The following PCDH9 variants were observed in gnomAD, a reference collection of about 807,000 sequenced individuals.
The protein encoded by PCDH9 is protocadherin 9, also known as protocadherin-9.
Under a neutral mutation model 70.6 loss-of-function variants are expected in PCDH9, and 24 were observed. The ratio of observed to expected loss-of-function variants is 0.34; its 90% CI spans 0.25 to 0.48. PCDH9 has a LOEUF of 0.48. Ranked by LOEUF, PCDH9 falls within the 20% of genes least tolerant of loss-of-function variation. The probability of loss-of-function intolerance (pLI) is 0.99; values close to 1 mark genes in which losing one functional copy is unlikely to be tolerated. For missense variants in PCDH9, 1,281 were observed against 1,503.6 expected, an observed-to-expected ratio of 0.85 and a Z score of 2.45; for synonymous variants, 562 against 558.5, an observed-to-expected ratio of 1.01 and a Z score of -0.09.
At chr13:66,866,072 T>C (rs999489813) in intron 3 of PCDH9, among the ~76,000 whole-genome samples, 11 of 151,986 alleles carry the variant, frequency 7.2e-5, no homozygotes, top group African/African-American at 2.4e-4. Flanking sequence ...AACAAGAACA[T>C]GAGAGAAAAA....
intron 3 of PCDH9, among the ~76,000 whole-genome samples, chr13:66,867,329 G>A (rs1180727846): frequency 6.6e-6 from 1 of 152,078 alleles, no homozygotes; most frequent in Non-Finnish European, 1.5e-5. Flanking sequence ...GGAACAATTT[G>A]TCTCAATAAG....
intron 4 of PCDH9, among the ~76,000 whole-genome samples, chr13:66,523,482 T>C (rs138046632): frequency 4.6e-5 from 7 of 152,174 alleles, no homozygotes; most frequent in Non-Finnish European, 1.0e-4. Flanking sequence ...AAGTAGCACA[T>C]AATGTGTGTC....
chr13:66,326,563 C>T (rs1408820527), intron 4 of PCDH9, among the ~76,000 whole-genome samples: 10 of 152,124 alleles, frequency 6.6e-5, no homozygotes, highest in South Asian at 2.1e-4. Context: ...GGACTACAGG[C>T]GCCCGCCACC....
chr13:66,740,997 C>G (rs2079254909), intron 3 of PCDH9, among the ~76,000 whole-genome samples: 2 of 65,754 alleles, frequency 3.0e-5, no homozygotes, highest in Non-Finnish European at 6.4e-5. Flanking sequence ...TTTATGAGGC[C>G]AGCATCATTC....
intron 4 of PCDH9, among the ~76,000 whole-genome samples, chr13:66,553,990 A>G (rs1961609400): frequency 1.3e-5 from 2 of 152,146 alleles, no homozygotes; most frequent in South Asian, 4.1e-4. Context: ...TGCTGAAATA[A>G]TCTTTAGTTC....
chr13:66,350,359 T>C (rs774568332), intron 4 of PCDH9, among the ~76,000 whole-genome samples: 3 of 152,214 alleles, frequency 2.0e-5, no homozygotes, highest in Non-Finnish European at 4.4e-5. Context: ...CTTATTGAGA[T>C]ACTGTAGTTT....
intron 3 of PCDH9, among the ~76,000 whole-genome samples, chr13:66,828,780 C>T (rs1789281872): frequency 6.6e-6 from 1 of 151,194 alleles, no homozygotes; most frequent in African/African-American, 2.4e-5. Flanking sequence ...ACAATGATTG[C>T]TCCTTAAATT....
intron 2 of PCDH9, among the ~76,000 whole-genome samples, chr13:66,926,708 A>T (rs1381158033): frequency 1.3e-5 from 2 of 152,100 alleles, no homozygotes; most frequent in African/African-American, 4.8e-5. Context: ...TCAGAACAGC[A>T]TTTTGAAGAG....
At chr13:66,334,696 A>G (rs1956005493) in intron 4 of PCDH9, among the ~76,000 whole-genome samples, 1 of 152,022 alleles carries the variant, frequency 6.6e-6, no homozygotes, top group Non-Finnish European at 1.5e-5. Flanking sequence ...GTCAGGTCAT[A>G]CCATACAACT....
At chr13:66,382,638 A>C (rs974038318) in intron 4 of PCDH9, among the ~76,000 whole-genome samples, 1 of 152,208 alleles carries the variant, frequency 6.6e-6, no homozygotes, top group Admixed American at 6.5e-5. Context: ...AGATGAAGTG[A>C]ACATTTATCA....
intron 2 of PCDH9, among the ~76,000 whole-genome samples, chr13:67,034,128 G>A (rs1263792675): frequency 1.3e-5 from 2 of 151,968 alleles, no homozygotes; most frequent in Non-Finnish European, 2.9e-5. Context: ...GGGATTACAG[G>A]TGCATGCCAC....
In PCDH9 at chr13:66,928,861, A is replaced by G. The variant is rs1356877135; in HGVS notation, c.3037-25256T>C. ...GACTAAGACAGACATAACGAGGGAA[A>G]AAAAAATGACTTTGTGTTTCCAGTT... On this transcript the variant is annotated intron_variant, in intron 2 of 4. Transcript: ENST00000377865. 5.9e-5 allele frequency among the ~76,000 whole-genome samples: 9 copies of G among 151,976 alleles called. No homozygotes were observed. The East Asian group carries it at 1.7e-3, about 29-fold the overall frequency.
chr13:66,994,926 C>T (rs1365112204), intron 2 of PCDH9, among the ~76,000 whole-genome samples: 4 of 152,108 alleles, frequency 2.6e-5, no homozygotes, highest in African/African-American at 9.7e-5. Flanking sequence ...ATTTCTAAAA[C>T]CTTTTAAACG....
At chr13:66,641,450 A>T (rs1207387266) in intron 3 of PCDH9, among the ~76,000 whole-genome samples, 1 of 152,224 alleles carries the variant, frequency 6.6e-6, no homozygotes, top group African/African-American at 2.4e-5. Context: ...GTAGGTAAAG[A>T]TCCTAATTAC....
intron 4 of PCDH9, among the ~76,000 whole-genome samples, chr13:66,433,686 T>G (rs1437285814): frequency 1.3e-5 from 2 of 151,800 alleles, no homozygotes; most frequent in African/African-American, 4.8e-5. Flanking sequence ...TCCCACCCAA[T>G]GCATTGCTAT....
At chr13:66,459,438 A>G (rs1958378467) in intron 4 of PCDH9, among the ~76,000 whole-genome samples, 1 of 151,822 alleles carries the variant, frequency 6.6e-6, no homozygotes, top group Non-Finnish European at 1.5e-5. Context: ...CAATGCCATG[A>G]GGTTTTACTT....
intron 3 of PCDH9, among the ~76,000 whole-genome samples, chr13:66,766,158 C>T (rs1040448962): frequency 6.6e-6 from 1 of 151,778 alleles, no homozygotes; most frequent in African/African-American, 2.4e-5. Context: ...TATGTATATA[C>T]ATGAGTGAAG....
rs572907597 is a variant in PCDH9 at position 66,341,220 on chromosome 13, G to A, written c.3341-36192C>T. Among the ~76,000 whole-genome samples, 11 of 151,704 alleles carry A rather than the reference G, an allele frequency of 7.3e-5. 1 individual carries two copies. The highest frequency in any genetic ancestry group is 2.1e-4 in the South Asian group (1 of 4,800). Reference sequence around the variant, plus strand: ...CAATCCTCCCACCTCAGCATCCCCCGTAGCTGGGACTACAATCACGCATCA... The same window carrying A: ...CAATCCTCCCACCTCAGCATCCCCCATAGCTGGGACTACAATCACGCATCA... On this transcript the variant is annotated intron_variant, in intron 4 of 4. Coordinates refer to ENST00000377865, the MANE Select transcript of PCDH9 (RefSeq NM_203487.3).
At chr13:67,068,205 G>GT (rs2085689178) in intron 2 of PCDH9, among the ~76,000 whole-genome samples, 1 of 151,624 alleles carries the variant, frequency 6.6e-6, no homozygotes, top group African/African-American at 2.4e-5. Flanking sequence ...TCAGTGTTAG[G>GT]TAAATGGAGT....
Sources: allele counts gnomAD v4.1 joint callset (sites outside exome capture counted in the v4.1 genomes callset), GRCh38; gene constraint gnomAD v4.1.1; transcripts MANE v1.5; gene names NCBI Gene and HGNC (gene_info 2026-07-23, HGNC 2026-07-21).